The following CCDC60 variants were observed in gnomAD, a reference collection of about 807,000 sequenced individuals.
The protein encoded by CCDC60 is coiled-coil domain containing 60, also known as coiled-coil domain-containing protein 60.
CCDC60 carries 54 observed loss-of-function variants against 63.5 expected under a neutral mutation model. That is an observed-to-expected ratio of 0.85 (90% CI 0.68 to 1.07). The LOEUF (loss-of-function observed/expected upper bound fraction) is 1.07. Among genes scored for constraint, CCDC60 ranks in the 50% least tolerant of loss-of-function variants. CCDC60 has a pLI of 0.00. For missense variants in CCDC60, 651 were observed against 684.3 expected (o/e 0.95, Z 0.54); for synonymous variants, 206 against 238.8 (o/e 0.86, Z 1.27).
At chr12:119,520,410 A>C (rs708885) in intron 9 of CCDC60, among the ~76,000 whole-genome samples, 34,998 of 152,140 alleles carry the variant, frequency 0.23, 4,337 homozygotes, top group Non-Finnish European at 0.29. Context: ...TCAAGTTAAA[A>C]TCTTCTAGTC....
chr12:119,396,243 C>T (rs1956252819), intron 1 of CCDC60, among the ~76,000 whole-genome samples: 1 of 152,138 alleles, frequency 6.6e-6, no homozygotes, highest in South Asian at 2.1e-4. Flanking sequence ...TGGCCTTATC[C>T]TCTCCTTTTC....
chr12:119,423,426 G>A (rs1956848314), intron 1 of CCDC60, among the ~76,000 whole-genome samples: 1 of 152,184 alleles, frequency 6.6e-6, no homozygotes, highest in South Asian at 2.1e-4. Flanking sequence ...TCCCACCGGG[G>A]GCTGATCCTT....
chr12:119,374,899 T>C (rs1955935304), intron 1 of CCDC60, among the ~76,000 whole-genome samples: 1 of 152,174 alleles, frequency 6.6e-6, no homozygotes, highest in African/African-American at 2.4e-5. Context: ...TTTAGCATAA[T>C]GCATTAAAAT....
chr12:119,422,018 A>C (rs1019900700), intron 1 of CCDC60, among the ~76,000 whole-genome samples: 2 of 152,198 alleles, frequency 1.3e-5, no homozygotes, highest in African/African-American at 2.4e-5. Context: ...AACCTGGTAC[A>C]TTACACGACA....
chr12:119,337,850 G>A (rs1183076228), intron 1 of CCDC60, among the ~76,000 whole-genome samples: 1 of 151,718 alleles, frequency 6.6e-6, no homozygotes, highest in Non-Finnish European at 1.5e-5. Flanking sequence ...GTGTGTGTGT[G>A]TGTGTGTGTG....
chr12:119,536,671 A>T (rs1181918668), intron 13 of CCDC60, among the ~76,000 whole-genome samples: 1 of 152,150 alleles, frequency 6.6e-6, no homozygotes, highest in Admixed American at 6.5e-5. Flanking sequence ...TCCTTCACTT[A>T]TGAAGCTTAG....
chr12:119,431,472 C>T (rs1157104530), intron 2 of CCDC60, among the ~76,000 whole-genome samples: 3 of 152,186 alleles, frequency 2.0e-5, no homozygotes, highest in Admixed American at 6.5e-5. Flanking sequence ...CGCAAAATAT[C>T]TCAAGCACTG....
In CCDC60 at chr12:119,523,730, G is replaced by A. The variant is rs190737724; in HGVS notation, c.1141G>A (p.Gly381Arg). Residue 381 changes from glycine (G) to arginine (R), a missense_variant, in exon 11 of 14, where the codon GGG (glycine) becomes AGG (arginine). Gly to Arg is a moderately radical substitution (Grantham distance 125). Coordinates refer to ENST00000327554, the MANE Select transcript of CCDC60 (RefSeq NM_178499.5). ...TGACATCAACATCCACTACAAGAGT[G>A]GGGTGTGTAACACCATGAGGGCCAA... ...NCDINIHYKS[G>R]VCNTMRAKFY... 6 of 1,614,162 alleles carry A rather than the reference G, an allele frequency of 3.7e-6. No individual in the cohort carries two copies. The highest frequency in any genetic ancestry group is 5.1e-6 in the Non-Finnish European group (6 of 1,180,000).
intron 5 of CCDC60, among the ~76,000 whole-genome samples, chr12:119,490,786 C>G (rs941544122): frequency 4.6e-5 from 7 of 151,964 alleles, no homozygotes; most frequent in African/African-American, 7.3e-5. Context: ...GCTATGTTGC[C>G]CAGGCTGGTG....
At chr12:119,379,961 C>T (rs1955991602) in intron 1 of CCDC60, among the ~76,000 whole-genome samples, 1 of 152,148 alleles carries the variant, frequency 6.6e-6, no homozygotes, top group Non-Finnish European at 1.5e-5. Flanking sequence ...AGGTCAAGCC[C>T]AACTCAGTGG....
chr12:119,414,126 C>T (rs12809350), intron 1 of CCDC60, among the ~76,000 whole-genome samples: 11,404 of 152,112 alleles, frequency 0.075, 559 homozygotes, highest in Middle Eastern at 0.12. Flanking sequence ...TCAAGCGATT[C>T]TTCTCCCTCA....
chr12:119,396,543 G>C (rs752846932), intron 1 of CCDC60, among the ~76,000 whole-genome samples: 105 of 152,234 alleles, frequency 6.9e-4, no homozygotes, highest in Middle Eastern at 3.4e-3. Flanking sequence ...CCAGAAAGAA[G>C]GGGGTCATAA....
chr12:119,388,030 T>G (rs192604160), intron 1 of CCDC60: 1 of 152,236 alleles, frequency 6.6e-6, no homozygotes, highest in Non-Finnish European at 1.5e-5. Context: ...TAAGGTGAAC[T>G]CTGAAGGTTA....
At chr12:119,506,386 T>C (rs1312718496) in intron 7 of CCDC60, among the ~76,000 whole-genome samples, 1 of 147,560 alleles carries the variant, frequency 6.8e-6, no homozygotes, top group African/African-American at 2.5e-5. Flanking sequence ...GCAGATCGCT[T>C]GAGTTCAGGA....
chr12:119,396,217 C>T (rs532976297), intron 1 of CCDC60, among the ~76,000 whole-genome samples: 53 of 152,276 alleles, frequency 3.5e-4, no homozygotes, highest in Non-Finnish European at 6.5e-4. Flanking sequence ...GGACTACAAG[C>T]GTGAGCCACC....
intron 2 of CCDC60, among the ~76,000 whole-genome samples, chr12:119,445,382 C>T (rs1032725484): frequency 7.3e-6 from 1 of 137,004 alleles, no homozygotes; most frequent in Admixed American, 8.2e-5. Flanking sequence ...CGCAGTGAGC[C>T]GGGATCACAC....
At chr12:119,482,769 C>T (rs1443932536) in intron 4 of CCDC60, among the ~76,000 whole-genome samples, 8 of 151,982 alleles carry the variant, frequency 5.3e-5, no homozygotes, top group African/African-American at 9.7e-5. Flanking sequence ...CAGGTTGGCT[C>T]GGCTGATCTT....
At chr12:119,383,568 CAGA>C (rs769768306) in intron 1 of CCDC60, among the ~76,000 whole-genome samples, 4 of 152,178 alleles carry the variant, frequency 2.6e-5, no homozygotes, top group Non-Finnish European at 2.9e-5. Context: ...TGTGCGAGAG[CAGA>C]AGGAGCCAGG....
intron 3 of CCDC60, among the ~76,000 whole-genome samples, chr12:119,477,232 C>T (rs888587721): frequency 2.6e-5 from 4 of 152,168 alleles, no homozygotes; most frequent in Admixed American, 6.5e-5. Context: ...TCCTGGTGCC[C>T]GGAATCACAT....
Sources: allele counts gnomAD v4.1 joint callset (sites outside exome capture counted in the v4.1 genomes callset), GRCh38; gene constraint gnomAD v4.1.1; transcripts MANE v1.5; gene names NCBI Gene and HGNC (gene_info 2026-07-23, HGNC 2026-07-21).